NUP98: variants seen among roughly 807,000 people sequenced by gnomAD.
NUP98 encodes the protein nucleoporin 98 and 96 precursor.
A neutral mutation model predicts 191.9 loss-of-function variants in NUP98; 26 were observed. The ratio of observed to expected loss-of-function variants is 0.14; its 90% CI spans 0.10 to 0.19. The LOEUF is 0.19. Among genes scored for constraint, NUP98 ranks in the 10% least tolerant of loss-of-function variants. The probability of loss-of-function intolerance (pLI) is 1.00; values close to 1 mark genes in which losing one functional copy is unlikely to be tolerated. For synonymous variants in NUP98, 808 were observed against 778.4 expected (o/e 1.04, Z -0.63); for missense variants, 1,941 against 2,178.8 (o/e 0.89, Z 2.17).
At chr11:3,690,510 T>C (rs1489473018) in intron 28 of NUP98, among the ~76,000 whole-genome samples, 1 of 151,990 alleles carries the variant, frequency 6.6e-6, no homozygotes, top group African/African-American at 2.4e-5. Flanking sequence ...TCCGCACACC[T>C]TGGCCTCCAA....
chr11:3,747,412 G>A (rs1341785735), intron 11 of NUP98, among the ~76,000 whole-genome samples: 2 of 152,124 alleles, frequency 1.3e-5, no homozygotes, highest in Non-Finnish European at 2.9e-5. Flanking sequence ...AAAACCTGTA[G>A]AACAAAGGTT....
At chr11:3,782,173 C>T in intron 1 of NUP98, 28 bp from the exon 2 acceptor site, 16 of 1,198,454 alleles carry the variant, frequency 1.3e-5, no homozygotes, top group Non-Finnish European at 1.7e-5. Flanking sequence ...TTATCACTCT[C>T]TTAAAGACCA....
At chr11:3,712,328 T>C in intron 20 of NUP98, 6 of 1,313,842 alleles carry the variant, frequency 4.6e-6, no homozygotes, top group Non-Finnish European at 4.8e-6. Context: ...GGTTTAAAAA[T>C]GACAATCTGT....
At chr11:3,698,914 T>C (rs567495396) in intron 25 of NUP98, 168 bp downstream of exon 25, 1 of 730,310 alleles carries the variant, frequency 1.4e-6, no homozygotes, top group Non-Finnish European at 2.3e-6. Context: ...AAGTTAAATT[T>C]TATGTTATAT....
chr11:3,738,021 GA>G (rs2080135112), intron 12 of NUP98, among the ~76,000 whole-genome samples: 1 of 129,934 alleles, frequency 7.7e-6, no homozygotes, highest in Non-Finnish European at 1.6e-5. Context: ...TACTCATTTA[GA>G]AAACTGACCT....
chr11:3,697,341 T>C (rs955452599), intron 25 of NUP98: 2 of 152,244 alleles, frequency 1.3e-5, no homozygotes, highest in Non-Finnish European at 1.5e-5. Context: ...TTACTGATTC[T>C]GGCTTTTCCT....
intron 11 of NUP98, among the ~76,000 whole-genome samples, chr11:3,749,112 T>A (rs1165421764): frequency 1.4e-5 from 2 of 140,772 alleles, no homozygotes; most frequent in Non-Finnish European, 3.1e-5. Flanking sequence ...ATCGAGACCA[T>A]CCTGGCTAAC....
chr11:3,716,992 A>G (rs933970806), intron 18 of NUP98, among the ~76,000 whole-genome samples: 7 of 152,086 alleles, frequency 4.6e-5, no homozygotes, highest in African/African-American at 9.7e-5. Flanking sequence ...GGCAGTACTG[A>G]CATTTTAACA....
At position 3,797,453 on chromosome 11, in the gene NUP98, C is replaced by T; in HGVS notation, c.-82G>A. On this transcript the variant is annotated 5_prime_UTR_variant, in exon 1 of 33. Coordinates refer to ENST00000324932, the MANE Select transcript of NUP98 (RefSeq NM_016320.5). ...AGGAGTCCCCTGCTGCCACCCGCCGCTCACAGAGCAGCGCGCGGCCCCCAC... is the reference window on the plus strand; with the variant it reads ...AGGAGTCCCCTGCTGCCACCCGCCGTTCACAGAGCAGCGCGCGGCCCCCAC... 2.4e-6 allele frequency: 1 copy of T among 415,384 alleles called. No homozygotes were observed. The highest frequency in any genetic ancestry group is 4.2e-6 in the Non-Finnish European group (1 of 235,850). The allele number at this position is 415,384 out of a possible 1,614,324, so 25.7% of individuals were successfully genotyped here.
chr11:3,716,872 A>T (rs2079202809), intron 18 of NUP98, among the ~76,000 whole-genome samples: 1 of 151,758 alleles, frequency 6.6e-6, no homozygotes, highest in African/African-American at 2.4e-5. Flanking sequence ...CTTTTTTGAG[A>T]GTGTTTGGCT....
intron 25 of NUP98, 131 bp downstream of exon 25, chr11:3,698,951 T>C: frequency 1.0e-6 from 1 of 1,004,682 alleles, no homozygotes; most frequent in Non-Finnish European, 1.5e-6. Context: ...ACCAGCAATC[T>C]TTCTGGGAAG....
chr11:3,732,203 G>A (rs2079876639), intron 13 of NUP98, among the ~76,000 whole-genome samples: 1 of 151,934 alleles, frequency 6.6e-6, no homozygotes, highest in African/African-American at 2.4e-5. Context: ...AGCCGAGATC[G>A]CACCACTGCA....
chr11:3,719,528 T>C lies in NUP98; in HGVS notation c.2283A>G (p.Glu761=). The C allele has an allele frequency of 6.3e-7, 1 of 1,588,428 alleles. No individual in the cohort carries two copies. The highest frequency in any genetic ancestry group is 1.2e-5 in the South Asian group (1 of 86,026). Residue 761 remains glutamate (E), a synonymous_variant, in exon 18 of 33, where the codon GAA becomes GAG. Coordinates refer to ENST00000324932, the MANE Select transcript of NUP98 (RefSeq NM_016320.5). ...GRKGYGSIYF[E]GDVNLTNLNL... ...TTAGATTTGTCAAATTCACATCTCC[T>C]TCAAAATAGATTGAACCATAACCTA...
intron 13 of NUP98, among the ~76,000 whole-genome samples, chr11:3,734,412 T>C (rs1185576146): frequency 6.6e-6 from 1 of 152,200 alleles, no homozygotes; most frequent in African/African-American, 2.4e-5. Flanking sequence ...AGTGACTGAA[T>C]AGTAGTTTCT....
chr11:3,787,240 C>T (rs1012315664), intron 1 of NUP98, among the ~76,000 whole-genome samples: 1 of 152,182 alleles, frequency 6.6e-6, no homozygotes, highest in Non-Finnish European at 1.5e-5. Flanking sequence ...ACAGTATCCT[C>T]CCTAGGATAG....
rs1247914177 is a variant in NUP98 at position 3,676,522 on chromosome 11, G to A, written c.5172C>T (p.Arg1724=). The A allele has an allele frequency of 6.2e-7, 1 of 1,613,856 alleles. No homozygotes were observed. Among genetic ancestry groups the A allele is most frequent in the Non-Finnish European group, 8.5e-7 (1 of 1,179,838 alleles). The change falls in exon 32 of 33, where the codon CGC becomes CGT. Residue 1724 remains arginine, a synonymous_variant. Transcript: ENST00000324932. ...EQIQCYSAKD[R]LAQSDMAKRV... ...TTAGAGGCTTACCTGACTGAGCCAG[G>A]CGATCTTTAGCACTGTAACACTGAA...
Position 3,797,499 on chromosome 11 carries a change from T to C in NUP98, c.-128A>G, listed in dbSNP as rs1564954457. On this transcript the variant is annotated 5_prime_UTR_variant, in exon 1 of 33. Coordinates refer to ENST00000324932, the MANE Select transcript of NUP98 (RefSeq NM_016320.5). Reference sequence around the variant, plus strand: ...CCCACGAAACCGTCGCCGCCGCCGCTACCACCCCTGCCACCGACCGCCGCT... The same window carrying C: ...CCCACGAAACCGTCGCCGCCGCCGCCACCACCCCTGCCACCGACCGCCGCT... 2 of 437,050 alleles carry C rather than the reference T, an allele frequency of 4.6e-6. No homozygotes were observed. Among genetic ancestry groups the C allele is most frequent in the Non-Finnish European group, 8.0e-6 (2 of 248,982 alleles). 27.1% of individuals were successfully genotyped at this position (437,050 alleles called of 1,614,324 possible).
chr11:3,773,601 A>T (rs2081605413), intron 6 of NUP98, 31 bp downstream of exon 6: 1 of 1,320,694 alleles, frequency 7.6e-7, no homozygotes, highest in East Asian at 2.4e-5. Flanking sequence ...TCAAAAGGTT[A>T]GACTGACATT....
chr11:3,735,448 T>A (rs575389030), intron 12 of NUP98, 124 bp from the exon 13 acceptor site: 1 of 421,034 alleles, frequency 2.4e-6, no homozygotes, highest in South Asian at 9.7e-5. Flanking sequence ...CTCAGATCAA[T>A]GGTATCATTG....
Sources: gnomAD v4.1 joint callset for allele counts (sites outside exome capture counted in the v4.1 genomes callset) on GRCh38, gnomAD v4.1.1 for gene constraint, MANE v1.5 for transcripts, NCBI Gene and HGNC (gene_info 2026-07-23, HGNC 2026-07-21) for gene names.